PLCB1: variants seen among roughly 807,000 people sequenced by gnomAD.
PLCB1 encodes 1-phosphatidylinositol 4,5-bisphosphate phosphodiesterase beta-1.
A neutral mutation model predicts 161.8 loss-of-function variants in PLCB1; 46 were observed. That is an observed-to-expected ratio of 0.28 (90% CI 0.22 to 0.36). The LOEUF is 0.36. Among genes scored for constraint, PLCB1 ranks in the 10% least tolerant of loss-of-function variants. The pLI is 1.00. For synonymous variants in PLCB1, 517 were observed against 503.7 expected (o/e 1.03, Z -0.35); for missense variants, 1,016 against 1,472.5 (o/e 0.69, Z 5.07).
chr20:8,796,872 A>G (rs1984052254), intron 31 of PLCB1, among the ~76,000 whole-genome samples: 1 of 152,232 alleles, frequency 6.6e-6, no homozygotes, highest in Non-Finnish European at 1.5e-5. Flanking sequence ...ATATGTCTAC[A>G]TATTCACATA....
intron 2 of PLCB1, among the ~76,000 whole-genome samples, chr20:8,223,772 A>C (rs1979536322): frequency 6.6e-6 from 1 of 152,182 alleles, no homozygotes. Flanking sequence ...TATAGTTAAT[A>C]GTTTTAAAAA....
At chr20:8,648,073 C>T in intron 6 of PLCB1, 120 bp downstream of exon 6, 1 of 649,820 alleles carries the variant, frequency 1.5e-6, no homozygotes, top group East Asian at 2.8e-5. Flanking sequence ...GCGTGGTAGC[C>T]CTGTCCTCCC....
chr20:8,697,519 G>A, intron 10 of PLCB1, 107 bp from the exon 11 acceptor site: 1 of 1,098,674 alleles, frequency 9.1e-7, no homozygotes, highest in Non-Finnish European at 1.3e-6. Flanking sequence ...AACTGCTGCA[G>A]CTCTTAGACT....
intron 31 of PLCB1, among the ~76,000 whole-genome samples, chr20:8,860,986 C>T (rs6086658): frequency 0.3 from 45,217 of 151,964 alleles, 6,887 homozygotes; most frequent in Middle Eastern, 0.41. Context: ...TTCTGTTGGA[C>T]ATTTTCCAAA....
At chr20:8,864,271 T>C (rs1009218619) in intron 31 of PLCB1, among the ~76,000 whole-genome samples, 2 of 152,210 alleles carry the variant, frequency 1.3e-5, no homozygotes, top group African/African-American at 4.8e-5. Flanking sequence ...TCTTAGATGA[T>C]TTCTATTCTG....
intron 2 of PLCB1, among the ~76,000 whole-genome samples, chr20:8,206,670 C>T (rs6039091): frequency 0.24 from 36,016 of 151,452 alleles, 4,663 homozygotes; most frequent in African/African-American, 0.34. Flanking sequence ...ATGGTAAATA[C>T]TAAGAATTAT....
chr20:8,772,881 G>A (rs926721969), intron 26 of PLCB1, among the ~76,000 whole-genome samples: 18 of 151,752 alleles, frequency 1.2e-4, no homozygotes, highest in Non-Finnish European at 2.5e-4. Flanking sequence ...GGTGAGCTAA[G>A]ATCGTGCCAT....
At chr20:8,681,208 C>T (rs1222246144) in intron 9 of PLCB1, among the ~76,000 whole-genome samples, 2 of 150,038 alleles carry the variant, frequency 1.3e-5, no homozygotes, top group African/African-American at 4.9e-5. Context: ...ACATTCTTTG[C>T]ATGTTCCAAA....
chr20:8,586,620 G>A (rs1987000047), intron 3 of PLCB1, among the ~76,000 whole-genome samples: 1 of 152,100 alleles, frequency 6.6e-6, no homozygotes, highest in Non-Finnish European at 1.5e-5. Flanking sequence ...GTAGCAACCC[G>A]CTATAGACCT....
At chr20:8,300,459 A>G (rs574379649) in intron 2 of PLCB1, among the ~76,000 whole-genome samples, 6 of 152,170 alleles carry the variant, frequency 3.9e-5, no homozygotes, top group Admixed American at 3.9e-4. Context: ...TTCTCCCCAA[A>G]TTAGAGTCTC....
chr20:8,712,210 G>A (rs1014371008), intron 12 of PLCB1, among the ~76,000 whole-genome samples: 7 of 151,932 alleles, frequency 4.6e-5, no homozygotes, highest in African/African-American at 1.2e-4. Flanking sequence ...CAGGAGAATC[G>A]CTTGAACCTG....
chr20:8,297,206 CATGTATATCTATAT>C (rs1191791992), intron 2 of PLCB1, among the ~76,000 whole-genome samples: 1 of 151,880 alleles, frequency 6.6e-6, no homozygotes, highest in East Asian at 1.9e-4. Context: ...TATACATATG[CATGTATATCTATAT>C]GTGTATATCT....
chr20:8,340,391 T>G (rs537227322), intron 2 of PLCB1, among the ~76,000 whole-genome samples: 2 of 152,232 alleles, frequency 1.3e-5, no homozygotes, highest in Non-Finnish European at 2.9e-5. Context: ...TTTCAAGGAT[T>G]TTAATATATT....
At chr20:8,621,103 G>A (rs1245170661) in intron 3 of PLCB1, among the ~76,000 whole-genome samples, 1 of 152,140 alleles carries the variant, frequency 6.6e-6, no homozygotes, top group Non-Finnish European at 1.5e-5. Flanking sequence ...TAACAAACAG[G>A]CGTCATTATG....
intron 7 of PLCB1, among the ~76,000 whole-genome samples, chr20:8,653,729 A>G (rs1211821176): frequency 6.6e-6 from 1 of 152,018 alleles, no homozygotes; most frequent in African/African-American, 2.4e-5. Flanking sequence ...TATAACGAAG[A>G]AAATGCAGAC....
intron 2 of PLCB1, among the ~76,000 whole-genome samples, chr20:8,232,642 C>A (rs186979677): frequency 3.9e-5 from 6 of 152,296 alleles, no homozygotes. Context: ...TCCCCCACTT[C>A]GTGCATTCTG....
At chr20:8,182,636 G>T (rs112208537) in intron 2 of PLCB1, among the ~76,000 whole-genome samples, 3,306 of 148,290 alleles carry the variant, frequency 0.022, 109 homozygotes, top group African/African-American at 0.077. Context: ...ACTGGAGTAC[G>T]GTGGCACGAT....
intron 3 of PLCB1, among the ~76,000 whole-genome samples, chr20:8,382,428 GCC>G (rs1987287288): frequency 7.1e-6 from 1 of 141,520 alleles, no homozygotes; most frequent in African/African-American, 2.7e-5. Context: ...GACTACAGGT[GCC>G]CACCACCACA....
At chr20:8,209,092 G>T (rs1401460696) in intron 2 of PLCB1, among the ~76,000 whole-genome samples, 1 of 152,098 alleles carries the variant, frequency 6.6e-6, no homozygotes, top group East Asian at 1.9e-4. Flanking sequence ...AAGAAAAACT[G>T]GTTCTATGGA....
Sources: gnomAD v4.1 joint callset for allele counts (sites outside exome capture counted in the v4.1 genomes callset) on GRCh38, gnomAD v4.1.1 for gene constraint, MANE v1.5 for transcripts, NCBI Gene and HGNC (gene_info 2026-07-23, HGNC 2026-07-21) for gene names.